SOAT2: variants seen among roughly 807,000 people sequenced by gnomAD.
The protein encoded by SOAT2 is ACAT-2.
SOAT2 carries 87 observed loss-of-function variants against 76.0 expected under a neutral mutation model. The ratio of observed to expected loss-of-function variants is 1.14; its 90% CI spans 0.96 to 1.37. The LOEUF (loss-of-function observed/expected upper bound fraction) is 1.37. Among genes scored for constraint, SOAT2 ranks in the 40% most tolerant of loss-of-function variants. SOAT2 has a pLI of 0.00. For synonymous variants in SOAT2, 285 were observed against 275.4 expected (o/e 1.03, Z -0.34); for missense variants, 686 against 682.1 (o/e 1.01, Z -0.06).
At chr12:53,123,968 C>T in intron 14 of SOAT2, 95 bp downstream of exon 14, 1 of 1,603,174 alleles carries the variant, frequency 6.2e-7, no homozygotes, top group Non-Finnish European at 8.5e-7. Flanking sequence ...CGGCCACAGT[C>T]AGGCACCAGG....
chr12:53,113,302 A>G lies in SOAT2; in HGVS notation c.444-2088A>G, dbSNP rs199514737. Among the ~76,000 whole-genome samples the G allele has an allele frequency of 1.2e-4, 18 of 152,316 alleles. No individual in the cohort carries two copies. The South Asian group carries it at 3.7e-3, about 32-fold the overall frequency. ...GCTTAACAAGCCCAATAGGAAAACA[A>G]TAGGCTCCCGGCATATGATCTGTTT... On this transcript the variant is annotated intron_variant, in intron 5 of 14. Coordinates refer to ENST00000301466, the MANE Select transcript of SOAT2 (RefSeq NM_003578.4).
chr12:53,115,055 TACA>T (rs1031192806), intron 5 of SOAT2, among the ~76,000 whole-genome samples: 3 of 152,154 alleles, frequency 2.0e-5, no homozygotes, highest in Admixed American at 6.5e-5. Context: ...ACCTCCAATC[TACA>T]ACAACAGACG....
chr12:53,116,178 A>C lies in SOAT2; in HGVS notation c.778+12A>C, dbSNP rs1390279912. On this transcript the variant is annotated intron_variant, in intron 7 of 14. Transcript: ENST00000301466. ...TCGTGCCAGACGAGGTGAGGCCTTCATCTTGCCCGGTTGTGAACTCAGTCC... is the reference window on the plus strand; with the variant it reads ...TCGTGCCAGACGAGGTGAGGCCTTCCTCTTGCCCGGTTGTGAACTCAGTCC... The C allele has an allele frequency of 1.2e-6, 2 of 1,612,130 alleles. No homozygotes were observed. The highest frequency in any genetic ancestry group is 1.7e-6 in the Non-Finnish European group (2 of 1,178,224).
At chr12:53,114,381 C>A (rs998154107) in intron 5 of SOAT2, among the ~76,000 whole-genome samples, 3 of 152,086 alleles carry the variant, frequency 2.0e-5, no homozygotes, top group Non-Finnish European at 4.4e-5. Context: ...TAAAGGAGGT[C>A]CTTCTTGACC....
At chr12:53,116,230 G>A (rs958090621) in intron 7 of SOAT2, 64 bp downstream of exon 7, 9 of 1,445,944 alleles carry the variant, frequency 6.2e-6, no homozygotes, top group Admixed American at 5.1e-5. Context: ...GAAGCCAGCA[G>A]GTGCAGGATC....
Position 53,124,069 on chromosome 12 carries a change from T to C in SOAT2, c.1519-4T>C. On this transcript the variant is annotated splice_polypyrimidine_tract_variant and splice_region_variant and intron_variant, in intron 14 of 14. Coordinates refer to ENST00000301466, the MANE Select transcript of SOAT2 (RefSeq NM_003578.4). ...CATTCACGACTTATTCTTCTCTGGCTCAGGCAACTTTCTGGGGGCTGGTGA... is the reference window on the plus strand; with the variant it reads ...CATTCACGACTTATTCTTCTCTGGCCCAGGCAACTTTCTGGGGGCTGGTGA... 1 of 1,614,182 alleles carries C rather than the reference T, an allele frequency of 6.2e-7. No individual in the cohort carries two copies. The highest frequency in any genetic ancestry group is 8.5e-7 in the Non-Finnish European group (1 of 1,180,020).
rs562254964 is a variant in SOAT2 at position 53,120,289 on chromosome 12, G to A, written c.1040-497G>A. Among the ~76,000 whole-genome samples the A allele has an allele frequency of 7.2e-5, 11 of 152,242 alleles. No homozygotes were observed. In the East Asian group the frequency reaches 1.9e-3, roughly 27 times the overall value. ...TCAAGACCATCCTGGCTAACACGGT[G>A]AAACCCCATCTCTACCAAAAATACA... On this transcript the variant is annotated intron_variant, in intron 10 of 14. Coordinates refer to ENST00000301466, the MANE Select transcript of SOAT2 (RefSeq NM_003578.4).
intron 6 of SOAT2, 41 bp from the exon 7 acceptor site, chr12:53,116,056 A>T (rs757496017): frequency 1.9e-6 from 3 of 1,571,892 alleles, no homozygotes; most frequent in Non-Finnish European, 2.6e-6. Flanking sequence ...ATTTGCTTAA[A>T]GCCACACAGC....
intron 7 of SOAT2, 86 bp from the exon 8 acceptor site, chr12:53,118,264 C>G: frequency 1.4e-6 from 1 of 729,598 alleles, no homozygotes; most frequent in Non-Finnish European, 2.4e-6. Context: ...CTCCACTCAC[C>G]AATCCCACCA....
chr12:53,118,713 A>T (rs1188818647), intron 8 of SOAT2, among the ~76,000 whole-genome samples, 177 bp from the exon 9 acceptor site: 2 of 151,812 alleles, frequency 1.3e-5, no homozygotes, highest in Non-Finnish European at 2.9e-5. Flanking sequence ...CTTAAAACCC[A>T]CTTGTTATCT....
At chr12:53,114,137 A>C (rs1463622103) in intron 5 of SOAT2, among the ~76,000 whole-genome samples, 3 of 152,076 alleles carry the variant, frequency 2.0e-5, no homozygotes, top group East Asian at 3.8e-4. Context: ...GTATTAGTGA[A>C]ACCTGGCCTG....
At position 53,115,533 on chromosome 12, in the gene SOAT2, C is replaced by A. The variant is rs565934099; in HGVS notation, c.587C>A (p.Ala196Glu). Reference sequence around the variant, plus strand: ...TGGGCCAGGGGCACCTGGACGCAGGCGACGGGCCTGGGCTGTGCGCTGCTA... The same window carrying A: ...TGGGCCAGGGGCACCTGGACGCAGGAGACGGGCCTGGGCTGTGCGCTGCTA... ...RLWARGTWTQATGLGCALLAA... is the reference protein window; with the variant it reads ...RLWARGTWTQETGLGCALLAA... Residue 196 changes from alanine to glutamate, a missense_variant, in exon 6 of 15, where the codon GCG (alanine) becomes GAG (glutamate). Coordinates refer to ENST00000301466, the MANE Select transcript of SOAT2 (RefSeq NM_003578.4). The A allele has an allele frequency of 2.5e-6, 4 of 1,602,636 alleles. No homozygotes were observed. The South Asian group carries it at 4.4e-5, about 18-fold the overall frequency.
rs375550219 is a variant in SOAT2 at position 53,124,066 on chromosome 12, G to A, written c.1519-7G>A. Reference sequence around the variant, plus strand: ...TCTCATTCACGACTTATTCTTCTCTGGCTCAGGCAACTTTCTGGGGGCTGG... The same window carrying A: ...TCTCATTCACGACTTATTCTTCTCTAGCTCAGGCAACTTTCTGGGGGCTGG... On this transcript the variant is annotated splice_polypyrimidine_tract_variant and splice_region_variant and intron_variant, in intron 14 of 14. Transcript: ENST00000301466. 4 of 1,614,044 alleles carry A rather than the reference G, an allele frequency of 2.5e-6. No individual in the cohort carries two copies. In the African/African-American group the frequency reaches 4.0e-5, roughly 16 times the overall value.
At chr12:53,112,556 A>AG (rs1938030845) in intron 5 of SOAT2, among the ~76,000 whole-genome samples, 2 of 151,390 alleles carry the variant, frequency 1.3e-5, no homozygotes, top group African/African-American at 4.9e-5. Flanking sequence ...AAAAAAAAAA[A>AG]AAAAAAGACA....
chr12:53,105,891 G>C lies in SOAT2; in HGVS notation c.336-16G>C, dbSNP rs925346763. The C allele has an allele frequency of 6.4e-6, 9 of 1,403,446 alleles. No homozygotes were observed. In the African/African-American group the frequency reaches 2.2e-4, roughly 34 times the overall value. 86.9% of individuals were successfully genotyped at this position (1,403,446 alleles called of 1,614,324 possible). ...AGGACCCTCCCACACTGACTTTCGG[G>C]CCCCTGTCCCTCTAGTGAGCTGATG... is the stretch of plus-strand genomic sequence containing the variant. On this transcript the variant is annotated splice_polypyrimidine_tract_variant and intron_variant, in intron 4 of 14. Transcript: ENST00000301466.
At chr12:53,105,390 C>T in intron 3 of SOAT2, 147 bp downstream of exon 3, 1 of 1,234,672 alleles carries the variant, frequency 8.1e-7, no homozygotes. Context: ...TGACCTCCAT[C>T]TACTGGGCCT....
At chr12:53,104,289 CTTT>C (rs777784995) in intron 2 of SOAT2, 83 bp downstream of exon 2, 8,054 of 510,536 alleles carry the variant, frequency 0.016, 1 homozygote, top group Middle Eastern at 0.049. Context: ...ATAAAGATGA[CTTT>C]TTTTTTTTTT....
chr12:53,115,658 A>G lies in SOAT2; in HGVS notation c.708+4A>G, dbSNP rs781084322. The G allele has an allele frequency of 1.4e-5, 21 of 1,514,020 alleles. No homozygotes were observed. The highest frequency in any genetic ancestry group is 1.8e-5 in the Non-Finnish European group (21 of 1,137,018). The allele number at this position is 1,514,020 out of a possible 1,614,324, so 93.8% of individuals were successfully genotyped here. A position where few individuals can be genotyped will look rare whatever the true frequency, so the allele number is the denominator to read the frequency against. ...TTGTGTCCTGGTCTTCGAGCAGGTG[A>G]GGGCCGAGCCCTGCTGACGGACAGG... On this transcript the variant is annotated splice_donor_region_variant and intron_variant, in intron 6 of 14. Transcript: ENST00000301466.
At position 53,115,567 on chromosome 12, in the gene SOAT2, C is replaced by T. The variant is rs755021588; in HGVS notation, c.621C>T (p.His207=). The change falls in exon 6 of 15, where the codon CAC becomes CAT. Residue 207 remains histidine (H), a synonymous_variant. Coordinates refer to ENST00000301466, the MANE Select transcript of SOAT2 (RefSeq NM_003578.4). ...TGGGCTGTGCGCTGCTAGCCGCCCA[C>T]GCCGTGGTGCTCTGCGCGCTGCCGG... ...TGLGCALLAA[H]AVVLCALPVH... 2.5e-6 allele frequency: 4 copies of T among 1,589,544 alleles called. No individual in the cohort carries two copies. The highest frequency in any genetic ancestry group is 1.1e-5 in the South Asian group (1 of 90,132).
Sources: allele counts gnomAD v4.1 joint callset (sites outside exome capture counted in the v4.1 genomes callset), GRCh38; gene constraint gnomAD v4.1.1; transcripts MANE v1.5; gene names NCBI Gene and HGNC (gene_info 2026-07-23, HGNC 2026-07-21).